The following COL11A1 variants were observed in gnomAD, a reference collection of about 807,000 sequenced individuals.
The protein encoded by COL11A1 is collagen type XI alpha 1 chain, also known as collagen alpha-1(XI) chain.
A neutral mutation model predicts 265.2 loss-of-function variants in COL11A1; 74 were observed. The observed-to-expected ratio is 0.28, with a 90% CI of 0.23 to 0.34. The LOEUF is 0.34. Among genes scored for constraint, COL11A1 ranks in the 10% least tolerant of loss-of-function variants. The pLI is 1.00. For synonymous variants in COL11A1, 816 were observed against 727.6 expected (o/e 1.12, Z -1.96); for missense variants, 2,165 against 2,263.6 (o/e 0.96, Z 0.88).
intron 9 of COL11A1, among the ~76,000 whole-genome samples, chr1:103,019,257 G>A (rs533349788): frequency 3.3e-5 from 5 of 152,132 alleles, no homozygotes; most frequent in African/African-American, 1.2e-4. Flanking sequence ...CTGTGTAAAT[G>A]AAAGAATGGA....
At chr1:102,901,521 A>G (rs1432249716) in intron 54 of COL11A1, among the ~76,000 whole-genome samples, 1 of 20,210 alleles carries the variant, frequency 4.9e-5, no homozygotes, top group Non-Finnish European at 9.4e-5. Flanking sequence ...ATAGTAGTAC[A>G]AAACAAAGAA....
chr1:103,082,484 T>C (rs1319461212), intron 2 of COL11A1, among the ~76,000 whole-genome samples: 2 of 152,062 alleles, frequency 1.3e-5, no homozygotes, highest in Admixed American at 1.3e-4. Context: ...ATAGGCTAGA[T>C]ATAAAATGTT....
intron 4 of COL11A1, among the ~76,000 whole-genome samples, chr1:103,039,364 C>A (rs1306279579): frequency 6.6e-6 from 1 of 152,080 alleles, no homozygotes; most frequent in East Asian, 1.9e-4. Flanking sequence ...TGTGTCCCCT[C>A]GAATTTGTAT....
intron 53 of COL11A1, among the ~76,000 whole-genome samples, chr1:102,912,890 C>A (rs1374566218): frequency 1.3e-5 from 2 of 152,176 alleles, no homozygotes; most frequent in Non-Finnish European, 2.9e-5. Context: ...TCGCCTTCCA[C>A]CATATTGTAA....
At chr1:103,063,493 C>A (rs61816517) in intron 4 of COL11A1, among the ~76,000 whole-genome samples, 11 of 152,008 alleles carry the variant, frequency 7.2e-5, no homozygotes, top group Non-Finnish European at 1.3e-4. Flanking sequence ...ACTAATAGTG[C>A]TGGAACAACT....
chr1:103,084,305 C>T (rs12741474), intron 1 of COL11A1, among the ~76,000 whole-genome samples: 5,675 of 152,178 alleles, frequency 0.037, 126 homozygotes, highest in Middle Eastern at 0.092. Context: ...GTTACTCATT[C>T]GAGAATTTTC....
chr1:103,104,302 T>C (rs1303193491), intron 1 of COL11A1, among the ~76,000 whole-genome samples: 1 of 152,080 alleles, frequency 6.6e-6, no homozygotes, highest in East Asian at 1.9e-4. Flanking sequence ...GAAAGGTGAC[T>C]CTTTATACAA....
At chr1:103,027,576 C>T (rs574917250) in intron 5 of COL11A1, among the ~76,000 whole-genome samples, 18 of 151,416 alleles carry the variant, frequency 1.2e-4, no homozygotes, top group Admixed American at 3.3e-4. Context: ...GTATTTGATA[C>T]GATTCCAATT....
At chr1:102,989,625 C>A (rs1248018295) in intron 28 of COL11A1, 54 bp from the exon 29 acceptor site, 15 of 1,228,512 alleles carry the variant, frequency 1.2e-5, no homozygotes, top group South Asian at 2.5e-5. Context: ...TTTGGAGTAA[C>A]CTAAAATATT....
At chr1:102,913,613 A>C (rs1439669585) in intron 53 of COL11A1, 24 bp downstream of exon 53, 1 of 1,608,704 alleles carries the variant, frequency 6.2e-7, no homozygotes, top group Non-Finnish European at 8.5e-7. Flanking sequence ...AAAAACTTAA[A>C]AATAAATTAG....
rs2622845 is a variant in COL11A1, at chr1:102,979,471, C to A, written c.2557-36G>T. ...AAAAGTAAATAATGAATAAACATGG[C>A]AATTAACATTTTCAGTCACAAGATG... On this transcript the variant is annotated intron_variant, in intron 31 of 66. Transcript: ENST00000370096. 996 of 1,380,994 alleles carry A rather than the reference C, an allele frequency of 7.2e-4. 9 individuals carry two copies. In the African/African-American group the frequency reaches 0.012, roughly 17 times the overall value. The allele number at this position is 1,380,994 out of a possible 1,614,324, so 85.5% of individuals were successfully genotyped here. A position where few individuals can be genotyped will look rare whatever the true frequency, so the allele number is the denominator to read the frequency against.
chr1:102,997,679 C>CA (rs1664754487), intron 25 of COL11A1, among the ~76,000 whole-genome samples: 1 of 151,720 alleles, frequency 6.6e-6, no homozygotes, highest in Non-Finnish European at 1.5e-5. Flanking sequence ...CCTAGTACTA[C>CA]AAAATCTGCA....
At position 102,996,040 on chromosome 1, in the gene COL11A1, A is replaced by G. The variant is rs1211882498; in HGVS notation, c.2244T>C (p.Gly748=). Residue 748 remains glycine, a splice_region_variant and synonymous_variant, in exon 27 of 67, where the codon GGT becomes GGC. Transcript: ENST00000370096. ...EGQSGEKGAL[G]PPGPQGPIGY... The stretch of plus-strand genomic sequence containing the variant: ...CAATAGGACCTTGTGGACCAGGGGG[A>G]CCCTGAAATAGATGAATTACCACTT... The G allele has an allele frequency of 1.2e-6, 2 of 1,613,086 alleles. No individual in the cohort carries two copies. Among genetic ancestry groups the G allele is most frequent in the Non-Finnish European group, 1.7e-6 (2 of 1,179,406 alleles).
intron 4 of COL11A1, among the ~76,000 whole-genome samples, chr1:103,073,246 A>G (rs1671719766): frequency 6.6e-6 from 1 of 151,786 alleles, no homozygotes; most frequent in Admixed American, 6.6e-5. Flanking sequence ...TAAAAAAGGA[A>G]AGAAATTCCA....
chr1:103,006,526 A>ATTTTTTTTTTTTTTTTTTTTTTTTTTTTT (rs4013849), intron 15 of COL11A1, among the ~76,000 whole-genome samples: 1 of 82,862 alleles, frequency 1.2e-5, no homozygotes, highest in African/African-American at 4.8e-5. Flanking sequence ...AAATGGCTCC[A>ATTTTTTTTTTTTTTTTTTTTTTTTTTTTT]TTTTTTTTTT....
At chr1:103,060,591 A>T (rs922607020) in intron 4 of COL11A1, among the ~76,000 whole-genome samples, 1 of 152,202 alleles carries the variant, frequency 6.6e-6, no homozygotes, top group African/African-American at 2.4e-5. Flanking sequence ...GAAATATTTT[A>T]TAAGATACTT....
At chr1:103,003,872 T>C (rs548144109) in intron 20 of COL11A1, among the ~76,000 whole-genome samples, 1 of 152,164 alleles carries the variant, frequency 6.6e-6, no homozygotes, top group Non-Finnish European at 1.5e-5. Flanking sequence ...AATAATCTAA[T>C]TTCTCTCCCA....
chr1:102,989,479 T>C, intron 29 of COL11A1, 39 bp downstream of exon 29: 1 of 1,331,484 alleles, frequency 7.5e-7, no homozygotes. Context: ...ATATATATAT[T>C]AAATTTTGTG....
chr1:102,896,293 T>C (rs1038287606), intron 57 of COL11A1, among the ~76,000 whole-genome samples: 4 of 151,956 alleles, frequency 2.6e-5, no homozygotes, highest in Non-Finnish European at 5.9e-5. Flanking sequence ...GGAGTTTGGC[T>C]CTAGAGTCGA....
Sources: allele counts gnomAD v4.1 joint callset (sites outside exome capture counted in the v4.1 genomes callset), GRCh38; gene constraint gnomAD v4.1.1; transcripts MANE v1.5; gene names NCBI Gene and HGNC (gene_info 2026-07-23, HGNC 2026-07-21).